Variants in IFT25 observed in about 807,000 individuals in gnomAD.
The protein encoded by IFT25 is intraflagellar transport 25, also known as intraflagellar transport protein 25 homolog.
chr1:53,943,406 A>G, the IFT25 span, among the ~76,000 whole-genome samples: 2 of 152,178 alleles, frequency 1.3e-5, no homozygotes, highest in African/African-American at 4.8e-5. Context: ...GTGGTTCTCA[A>G]CTGGACTGGG....
chr1:53,921,455 C>G, the IFT25 span: 1 of 524,866 alleles, frequency 1.9e-6, no homozygotes, highest in African/African-American at 1.9e-5. Flanking sequence ...TATACTGAAG[C>G]CAAACCTTTC....
At chr1:53,919,495 T>C in the IFT25 span, among the ~76,000 whole-genome samples, 1 of 152,082 alleles carries the variant, frequency 6.6e-6, no homozygotes, top group African/African-American at 2.4e-5. Context: ...TCCTACACTA[T>C]CTAGACCATA....
the IFT25 span, among the ~76,000 whole-genome samples, chr1:53,933,963 C>T: frequency 4.6e-5 from 7 of 151,988 alleles, no homozygotes; most frequent in Admixed American, 2.0e-4. Flanking sequence ...CACTTTTGTG[C>T]CATTGTTGTC....
chr1:53,938,667 T>C, the IFT25 span, among the ~76,000 whole-genome samples: 3 of 152,126 alleles, frequency 2.0e-5, no homozygotes, highest in Non-Finnish European at 4.4e-5. Flanking sequence ...TTTGGCAAAA[T>C]AAACCCATAA....
At chr1:53,935,604 C>CCT in the IFT25 span, among the ~76,000 whole-genome samples, 1 of 150,684 alleles carries the variant, frequency 6.6e-6, no homozygotes, top group African/African-American at 2.4e-5. Context: ...AAGTTGTTAC[C>CCT]CACCCCCAAA....
chr1:53,933,174 C>T, the IFT25 span, among the ~76,000 whole-genome samples: 5 of 140,146 alleles, frequency 3.6e-5, no homozygotes, highest in Non-Finnish European at 7.6e-5. Flanking sequence ...CTCACTCTGT[C>T]GCCCAGGCTG....
At chr1:53,930,141 G>T in the IFT25 span, 1 of 1,545,326 alleles carries the variant, frequency 6.5e-7, no homozygotes, top group Admixed American at 2.4e-5. Context: ...AACGTTTCTG[G>T]ATTCCTATTG....
the IFT25 span, chr1:53,921,908 TGTG>T: frequency 1.7e-6 from 1 of 601,742 alleles, no homozygotes; most frequent in South Asian, 2.1e-5. Flanking sequence ...ATATAATAGT[TGTG>T]GTACATATCA....
chr1:53,933,806 CCT>C, the IFT25 span, among the ~76,000 whole-genome samples: 5 of 152,198 alleles, frequency 3.3e-5, no homozygotes, highest in East Asian at 9.6e-4. Context: ...TTTCTTCTCT[CCT>C]GTTTCTGAGT....
At chr1:53,925,224 G>C in the IFT25 span, among the ~76,000 whole-genome samples, 1 of 151,854 alleles carries the variant, frequency 6.6e-6, no homozygotes, top group Non-Finnish European at 1.5e-5. Flanking sequence ...AATCCTACTT[G>C]ATGGTTACAT....
At chr1:53,931,486 G>C in the IFT25 span, among the ~76,000 whole-genome samples, 2 of 152,068 alleles carry the variant, frequency 1.3e-5, no homozygotes, top group African/African-American at 4.8e-5. Context: ...CTCTATTTTT[G>C]AGAAAGTTTG....
chr1:53,921,675 T>C, the IFT25 span: 2 of 1,607,280 alleles, frequency 1.2e-6, no homozygotes, highest in Non-Finnish European at 1.7e-6. Context: ...TTGAGACTAC[T>C]GTTCCTTCTG....
chr1:53,931,355 T>C, the IFT25 span, among the ~76,000 whole-genome samples: 1 of 152,342 alleles, frequency 6.6e-6, no homozygotes, highest in Non-Finnish European at 1.5e-5. Flanking sequence ...TATAAGAAAC[T>C]GTCAGCTTTC....
chr1:53,923,861 T>C, the IFT25 span: 6 of 1,148,022 alleles, frequency 5.2e-6, no homozygotes, highest in Non-Finnish European at 6.6e-6. Context: ...TCTAAATACA[T>C]TGTGCAGGTT....
At chr1:53,932,522 T>TTAAA in the IFT25 span, among the ~76,000 whole-genome samples, 1 of 152,160 alleles carries the variant, frequency 6.6e-6, no homozygotes, top group African/African-American at 2.4e-5. Context: ...TCTTGAAATA[T>TTAAA]ATTGAGACTT....
At chr1:53,928,714 T>C in the IFT25 span, 3,695 of 355,840 alleles carry the variant, frequency 0.01, 134 homozygotes, top group African/African-American at 0.072. Context: ...TTTGTGTGTA[T>C]GGCGATAATA....
chr1:53,928,917 C>A, the IFT25 span: 1 of 153,472 alleles, frequency 6.5e-6, no homozygotes, highest in South Asian at 2.0e-4. Flanking sequence ...AAATGGAATT[C>A]AAACTTTAGG....
the IFT25 span, among the ~76,000 whole-genome samples, chr1:53,913,599 T>G: frequency 6.6e-6 from 1 of 152,170 alleles, no homozygotes; most frequent in Non-Finnish European, 1.5e-5. Flanking sequence ...CTCAGGGAAA[T>G]CCCCTTCAGT....
chr1:53,927,882 A>C, the IFT25 span, among the ~76,000 whole-genome samples: 4 of 152,220 alleles, frequency 2.6e-5, no homozygotes, highest in Non-Finnish European at 5.9e-5. Flanking sequence ...CTGGTTGTTA[A>C]ATCTTTTGTC....
Sources: gnomAD v4.1 joint callset for allele counts (sites outside exome capture counted in the v4.1 genomes callset) on GRCh38, gnomAD v4.1.1 for gene constraint, MANE v1.5 for transcripts, NCBI Gene and HGNC (gene_info 2026-07-23, HGNC 2026-07-21) for gene names.